The following LYG2 variants were observed in gnomAD, a reference collection of about 807,000 sequenced individuals.
LYG2 encodes lysozyme g2.
In LYG2, 25 loss-of-function variants were observed where a neutral mutation model predicts 22.4. The observed-to-expected ratio is 1.12, with a 90% confidence interval of 0.81 to 1.56. The LOEUF is 1.56. Ranked by LOEUF, LYG2 falls within the 40% of genes most tolerant of loss-of-function variation. The probability of loss-of-function intolerance (pLI) is 0.00; values close to 1 mark genes in which losing one functional copy is unlikely to be tolerated. For missense variants in LYG2, 266 were observed against 269.5 expected (o/e 0.99, Z 0.09); for synonymous variants, 88 against 97.0 (o/e 0.91, Z 0.55).
intron 3 of LYG2, among the ~76,000 whole-genome samples, chr2:99,250,601 G>C (rs180823242): frequency 0.012 from 1,752 of 152,152 alleles, 15 homozygotes; most frequent in South Asian, 0.023. Context: ...GTCTCGATCT[G>C]CTGACCTTGT....
At chr2:99,253,036 A>G (rs1423396670) in intron 3 of LYG2, among the ~76,000 whole-genome samples, 2 of 144,972 alleles carry the variant, frequency 1.4e-5, no homozygotes, top group Non-Finnish European at 1.5e-5. Context: ...GCGACAGAGC[A>G]AGACTCTGTC....
At chr2:99,243,479 G>A (rs1223700455) in intron 6 of LYG2, 1 of 1,528,066 alleles carries the variant, frequency 6.5e-7, no homozygotes, top group African/African-American at 1.4e-5. Context: ...AAACCTATGA[G>A]AGGTAGGCAA....
chr2:99,254,416 T>C, intron 2 of LYG2, 131 bp from the exon 3 acceptor site: 1 of 446,894 alleles, frequency 2.2e-6, no homozygotes, highest in Non-Finnish European at 4.0e-6. Context: ...TTCAAGATAG[T>C]ATTCTCACAG....
chr2:99,250,428 A>G (rs983006619), intron 3 of LYG2, among the ~76,000 whole-genome samples: 11 of 140,680 alleles, frequency 7.8e-5, no homozygotes, highest in African/African-American at 1.9e-4. Context: ...AGGCTGCAGT[A>G]CAGTGGTGCG....
At chr2:99,243,874 T>C in intron 6 of LYG2, 125 bp downstream of exon 6, 2 of 1,103,368 alleles carry the variant, frequency 1.8e-6, no homozygotes, top group Non-Finnish European at 2.7e-6. Context: ...ATGCAGCCTC[T>C]AGACAGCTCC....
upstream of LYG2, among the ~76,000 whole-genome samples, chr2:99,257,739 C>G (rs1434563310): frequency 1.3e-5 from 2 of 152,212 alleles, no homozygotes; most frequent in Non-Finnish European, 2.9e-5. Context: ...TCTCTGGCAG[C>G]TTCTGGGGAG....
At chr2:99,252,401 C>T (rs2094028243) in intron 3 of LYG2, among the ~76,000 whole-genome samples, 2 of 152,080 alleles carry the variant, frequency 1.3e-5, no homozygotes, top group Non-Finnish European at 2.9e-5. Flanking sequence ...CTTCCTCTCA[C>T]TCTTTCCCTC....
chr2:99,249,442 G>A (rs1244843058), intron 3 of LYG2, among the ~76,000 whole-genome samples: 1 of 146,756 alleles, frequency 6.8e-6, no homozygotes, highest in Non-Finnish European at 1.5e-5. Flanking sequence ...AAAAAAAAAG[G>A]ATTTTGTTAA....
intron 3 of LYG2, 110 bp from the exon 4 acceptor site, chr2:99,246,930 A>C (rs1195944517): frequency 3.0e-6 from 3 of 990,502 alleles, no homozygotes; most frequent in Non-Finnish European, 4.4e-6. Flanking sequence ...GAACTCCCCA[A>C]CTCTCTTGTT....
chr2:99,243,693 C>CTTTTTTTTTTTTTTTTT, intron 6 of LYG2: 1 of 156,548 alleles, frequency 6.4e-6, no homozygotes, highest in South Asian at 8.4e-5. Flanking sequence ...CCATGCCCAG[C>CTTTTTTTTTTTTTTTTT]TTTTTTTTTT....
At position 99,254,239 on chromosome 2, in the gene LYG2, A is replaced by G. The variant is rs949938515; in HGVS notation, c.22T>C (p.Trp8Arg). Residue 8 changes from tryptophan (W) to arginine (R), a missense_variant, in exon 3 of 7, where the codon TGG becomes CGG. Trp to Arg is a moderately radical substitution (Grantham distance 101). Transcript: ENST00000333017. ...TTACCAATGAGGGCAATTAGTCCCC[A>G]AAACACCACGGAGGATAACATGGCG... is the stretch of plus-strand genomic sequence containing the variant. The part of the protein sequence containing the change: MLSSVVF[W>R]GLIALIGTSR... 1.2e-6 allele frequency: 2 copies of G among 1,614,010 alleles called. No homozygotes were observed. The highest frequency in any genetic ancestry group is 2.7e-5 in the African/African-American group (2 of 74,940).
chr2:99,243,384 T>C, intron 6 of LYG2: 1 of 1,538,804 alleles, frequency 6.5e-7, no homozygotes, highest in South Asian at 1.2e-5. Context: ...CTTGGATATA[T>C]AGCACCTGAA....
intron 3 of LYG2, among the ~76,000 whole-genome samples, chr2:99,247,322 C>T (rs1256164829): frequency 2.6e-5 from 4 of 152,172 alleles, no homozygotes; most frequent in Non-Finnish European, 5.9e-5. Flanking sequence ...AACTCCTGTG[C>T]TCAAGCGATC....
upstream of LYG2, among the ~76,000 whole-genome samples, chr2:99,258,490 A>G (rs1012045963): frequency 6.6e-6 from 1 of 152,214 alleles, no homozygotes; most frequent in Non-Finnish European, 1.5e-5. Flanking sequence ...CTCTCCAGCC[A>G]TGAAGAAAAC....
chr2:99,242,873 A>G (rs1003422012), intron 6 of LYG2, among the ~76,000 whole-genome samples: 3 of 152,170 alleles, frequency 2.0e-5, no homozygotes, highest in Non-Finnish European at 2.9e-5. Context: ...AGCACCTACT[A>G]TGTGCCAGGA....
chr2:99,244,226 A>G (rs374982689), intron 5 of LYG2, 89 bp from the exon 6 acceptor site: 4 of 1,308,066 alleles, frequency 3.1e-6, no homozygotes, highest in South Asian at 2.9e-5. Flanking sequence ...TATTCAAGTC[A>G]TAGATACCGG....
intron 3 of LYG2, among the ~76,000 whole-genome samples, chr2:99,249,228 C>T (rs1468801722): frequency 6.6e-6 from 1 of 151,974 alleles, no homozygotes; most frequent in Non-Finnish European, 1.5e-5. Context: ...TGAGACCAGC[C>T]TATGCAACAT....
At position 99,242,481 on chromosome 2, in the gene LYG2, A is replaced by T; in HGVS notation, c.522T>A (p.Gly174=). Residue 174 remains glycine, a splice_region_variant and synonymous_variant, in exon 7 of 7, where the codon GGT becomes GGA. Coordinates refer to ENST00000333017, the MANE Select transcript of LYG2 (RefSeq NM_175735.4). ...PTWSVAQHLK[G]GLSAFKSGIE... The stretch of plus-strand genomic sequence containing the variant: ...TTCCTGACTTAAAAGCTGAGAGACC[A>T]CCTGAAATGAAACACAGAGAATTAG... The T allele has an allele frequency of 6.3e-7, 1 of 1,592,786 alleles. No individual in the cohort carries two copies. The highest frequency in any genetic ancestry group is 8.6e-7 in the Non-Finnish European group (1 of 1,162,014).
chr2:99,251,845 A>AT (rs987775565), intron 3 of LYG2, among the ~76,000 whole-genome samples: 5 of 149,988 alleles, frequency 3.3e-5, no homozygotes, highest in East Asian at 2.0e-4. Context: ...AAAAAAAAAA[A>AT]TTTTTTTTTC....
Sources: allele counts gnomAD v4.1 joint callset (sites outside exome capture counted in the v4.1 genomes callset), GRCh38; gene constraint gnomAD v4.1.1; transcripts MANE v1.5; gene names NCBI Gene and HGNC (gene_info 2026-07-23, HGNC 2026-07-21).